The following CCDC148 variants were observed in gnomAD, a reference collection of about 807,000 sequenced individuals.
The protein encoded by CCDC148 is coiled-coil domain-containing protein 148.
In CCDC148, 89 loss-of-function variants were observed where a neutral mutation model predicts 85.7. The observed-to-expected ratio is 1.04, with a 90% confidence interval of 0.87 to 1.24. The LOEUF (loss-of-function observed/expected upper bound fraction) is 1.24. Among genes scored for constraint, CCDC148 ranks in the 50% most tolerant of loss-of-function variants. The pLI, the probability that CCDC148 is intolerant of heterozygous loss-of-function variation, is 0.00. For synonymous variants in CCDC148, 230 were observed against 213.9 expected (o/e 1.08, Z -0.66); for missense variants, 692 against 671.7 (o/e 1.03, Z -0.33).
chr2:158,430,016 C>T (rs1687267292), intron 1 of CCDC148, among the ~76,000 whole-genome samples: 1 of 152,152 alleles, frequency 6.6e-6, no homozygotes, highest in Non-Finnish European at 1.5e-5. Flanking sequence ...AAAATCAGTT[C>T]ATAAATCTGC....
At chr2:158,289,985 T>C (rs1479860517) in intron 9 of CCDC148, among the ~76,000 whole-genome samples, 1 of 152,150 alleles carries the variant, frequency 6.6e-6, no homozygotes, top group Non-Finnish European at 1.5e-5. Context: ...TATCCAGTGA[T>C]AAAACCAAGG....
intron 9 of CCDC148, among the ~76,000 whole-genome samples, chr2:158,262,722 C>T (rs1460847052): frequency 6.6e-6 from 1 of 151,840 alleles, no homozygotes; most frequent in Admixed American, 6.6e-5. Context: ...CTCATGAGAA[C>T]TCACTCACTA....
chr2:158,277,079 G>A (rs1440683715), intron 9 of CCDC148, among the ~76,000 whole-genome samples: 3 of 152,130 alleles, frequency 2.0e-5, no homozygotes, highest in Non-Finnish European at 4.4e-5. Context: ...AAGAAATTCA[G>A]GTACCTTAAG....
intron 1 of CCDC148, among the ~76,000 whole-genome samples, chr2:158,396,480 C>A (rs1408432744): frequency 6.6e-6 from 1 of 152,122 alleles, no homozygotes; most frequent in East Asian, 1.9e-4. Flanking sequence ...CACTTCTGAA[C>A]TGGCTCCTAT....
intron 11 of CCDC148, among the ~76,000 whole-genome samples, chr2:158,214,051 G>C (rs1200546435): frequency 6.8e-6 from 1 of 146,684 alleles, no homozygotes; most frequent in Admixed American, 7.0e-5. Flanking sequence ...GCAACGTTTT[G>C]GGATGGCTAG....
intron 1 of CCDC148, among the ~76,000 whole-genome samples, chr2:158,435,060 G>A (rs887561271): frequency 3.3e-5 from 5 of 152,124 alleles, no homozygotes; most frequent in Non-Finnish European, 2.9e-5. Flanking sequence ...TCTGCAGGAT[G>A]TTATCCAGGA....
chr2:158,426,880 T>G (rs1382496740), intron 1 of CCDC148, among the ~76,000 whole-genome samples: 1 of 152,188 alleles, frequency 6.6e-6, no homozygotes, highest in Admixed American at 6.6e-5. Context: ...TGTTGGCTAT[T>G]GCAAAGGATT....
intron 13 of CCDC148, 43 bp downstream of exon 13, chr2:158,176,478 T>A (rs1398032729): frequency 2.5e-6 from 4 of 1,597,382 alleles, no homozygotes; most frequent in Non-Finnish European, 2.6e-6. Context: ...GTCCTTACCA[T>A]CATCATGGCT....
intron 11 of CCDC148, chr2:158,207,586 T>A (rs1686319758): frequency 6.6e-6 from 1 of 152,206 alleles, no homozygotes; most frequent in African/African-American, 2.4e-5. Flanking sequence ...TTGGGGTCTG[T>A]CATACCATGA....
intron 1 of CCDC148, among the ~76,000 whole-genome samples, chr2:158,455,395 T>TA (rs1688601599): frequency 6.6e-6 from 1 of 152,094 alleles, no homozygotes; most frequent in African/African-American, 2.4e-5. Context: ...GAGAGGTTTT[T>TA]TTTTTTCCAA....
intron 9 of CCDC148, among the ~76,000 whole-genome samples, chr2:158,285,102 A>T (rs1315141511): frequency 1.3e-5 from 2 of 152,172 alleles, no homozygotes; most frequent in African/African-American, 2.4e-5. Flanking sequence ...AGCCTGGCCA[A>T]CATGGTGAAA....
intron 1 of CCDC148, among the ~76,000 whole-genome samples, chr2:158,435,522 C>T (rs554387653): frequency 6.6e-5 from 10 of 152,308 alleles, no homozygotes; most frequent in African/African-American, 2.4e-4. Flanking sequence ...ACTGCAAAAA[C>T]ATGACAAATT....
At chr2:158,279,189 C>T (rs1041098520) in intron 9 of CCDC148, among the ~76,000 whole-genome samples, 1 of 152,152 alleles carries the variant, frequency 6.6e-6, no homozygotes. Context: ...ATAAACAGAG[C>T]AGAAAAACTG....
intron 11 of CCDC148, among the ~76,000 whole-genome samples, chr2:158,218,305 G>A (rs1012689710): frequency 1.3e-5 from 2 of 152,188 alleles, no homozygotes; most frequent in African/African-American, 4.8e-5. Context: ...GAGGTGAAAT[G>A]ACAGATTTTC....
chr2:158,406,756 G>A lies in CCDC148; in HGVS notation c.26-48186C>T, dbSNP rs554485042. Among the ~76,000 whole-genome samples, 539 of 151,114 alleles carry A rather than the reference G, an allele frequency of 3.6e-3. 4 individuals are homozygous for A. The highest frequency in any genetic ancestry group is 0.013 in the African/African-American group (517 of 41,154). On this transcript the variant is annotated intron_variant, in intron 1 of 13. Transcript: ENST00000283233. ...TCCCACCTCAGCCTCCCAAGTAGCT[G>A]GAGCTAGAGGCATGCACTGCCATGC... is the stretch of plus-strand genomic sequence containing the variant.
At chr2:158,425,700 C>G (rs1041726575) in intron 1 of CCDC148, among the ~76,000 whole-genome samples, 4 of 152,074 alleles carry the variant, frequency 2.6e-5, no homozygotes, top group Non-Finnish European at 5.9e-5. Flanking sequence ...AAACTGTGGT[C>G]CTTTATAAAT....
chr2:158,219,130 A>G (rs1687040090), intron 11 of CCDC148, among the ~76,000 whole-genome samples: 2 of 152,174 alleles, frequency 1.3e-5, no homozygotes, highest in African/African-American at 2.4e-5. Context: ...TATTTATTAT[A>G]GCGATTTTAG....
chr2:158,454,207 T>C (rs1043490094), intron 1 of CCDC148, among the ~76,000 whole-genome samples: 1 of 152,174 alleles, frequency 6.6e-6, no homozygotes, highest in Non-Finnish European at 1.5e-5. Flanking sequence ...CCTCAAGAAA[T>C]TCCCTTCAGA....
At chr2:158,199,006 C>T (rs73011451) in intron 11 of CCDC148, among the ~76,000 whole-genome samples, 2 of 151,954 alleles carry the variant, frequency 1.3e-5, no homozygotes, top group Admixed American at 6.6e-5. Context: ...ACCTTGGGAC[C>T]AGTAGAGATT....
Sources: gnomAD v4.1 joint callset for allele counts (sites outside exome capture counted in the v4.1 genomes callset) on GRCh38, gnomAD v4.1.1 for gene constraint, MANE v1.5 for transcripts, NCBI Gene and HGNC (gene_info 2026-07-23, HGNC 2026-07-21) for gene names.